The following ASAP1 variants were observed in gnomAD, a reference collection of about 807,000 sequenced individuals.
The protein encoded by ASAP1 is arf-GAP with SH3 domain, ANK repeat and PH domain-containing protein 1.
Under a neutral mutation model 145.2 loss-of-function variants are expected in ASAP1, and 43 were observed. That is an observed-to-expected ratio of 0.30 (90% confidence interval 0.23 to 0.38). The LOEUF (loss-of-function observed/expected upper bound fraction) is 0.38. Ranked by LOEUF, ASAP1 falls within the 10% of genes least tolerant of loss-of-function variation. ASAP1 has a pLI of 1.00. For missense variants in ASAP1, 1,018 were observed against 1,355.3 expected (o/e 0.75, Z 3.91); for synonymous variants, 546 against 515.5 (o/e 1.06, Z -0.80).
chr8:130,336,377 A>AGATT (rs1452877158), intron 3 of ASAP1, among the ~76,000 whole-genome samples: 1 of 152,238 alleles, frequency 6.6e-6, no homozygotes, highest in Non-Finnish European at 1.5e-5. Context: ...AAAGAAATGC[A>AGATT]GATTATTGGG....
At chr8:130,244,781 G>C (rs1230662689) in intron 3 of ASAP1, among the ~76,000 whole-genome samples, 1 of 152,126 alleles carries the variant, frequency 6.6e-6, no homozygotes, top group Admixed American at 6.6e-5. Flanking sequence ...CTGTGGGCCA[G>C]GTGCTGTCCT....
chr8:130,429,283 A>T (rs898309742), intron 1 of ASAP1, among the ~76,000 whole-genome samples: 2 of 152,202 alleles, frequency 1.3e-5, no homozygotes, highest in East Asian at 3.8e-4. Flanking sequence ...AAGGGACACA[A>T]TTCAACCTGT....
At chr8:130,123,318 C>G (rs142385544) in intron 18 of ASAP1, among the ~76,000 whole-genome samples, 1 of 152,104 alleles carries the variant, frequency 6.6e-6, no homozygotes, top group African/African-American at 2.4e-5. Context: ...TGTCAGTTTC[C>G]CCACAGTCTT....
At chr8:130,396,691 C>G (rs1828546202) in intron 2 of ASAP1, among the ~76,000 whole-genome samples, 1 of 152,226 alleles carries the variant, frequency 6.6e-6, no homozygotes, top group Admixed American at 6.5e-5. Flanking sequence ...GTTTCCCGTC[C>G]ATGTGCAGCA....
chr8:130,315,533 C>T (rs1326361784), intron 3 of ASAP1, among the ~76,000 whole-genome samples: 1 of 152,142 alleles, frequency 6.6e-6, no homozygotes, highest in Non-Finnish European at 1.5e-5. Flanking sequence ...GAAGAGGCTC[C>T]TCTTCCTTTC....
At chr8:130,109,284 C>T (rs2097542855) in intron 24 of ASAP1, among the ~76,000 whole-genome samples, 1 of 152,118 alleles carries the variant, frequency 6.6e-6, no homozygotes, top group Non-Finnish European at 1.5e-5. Context: ...TACTGAGCTC[C>T]TCTGAGACTC....
chr8:130,134,594 C>T (rs2097590068), intron 14 of ASAP1, among the ~76,000 whole-genome samples: 2 of 152,082 alleles, frequency 1.3e-5, no homozygotes, highest in African/African-American at 4.8e-5. Flanking sequence ...TACACAAGGT[C>T]ACACGGCAAT....
intron 5 of ASAP1, among the ~76,000 whole-genome samples, chr8:130,214,231 T>TA (rs533291104): frequency 3.0e-3 from 448 of 151,780 alleles, no homozygotes; most frequent in African/African-American, 0.01. Flanking sequence ...AGGTTATCTT[T>TA]AAAAAAAAAT....
At chr8:130,332,971 T>C (rs1053813692) in intron 3 of ASAP1, among the ~76,000 whole-genome samples, 7 of 152,172 alleles carry the variant, frequency 4.6e-5, no homozygotes, top group African/African-American at 1.7e-4. Context: ...GGAAATTCTA[T>C]TCACATTACA....
intron 5 of ASAP1, among the ~76,000 whole-genome samples, chr8:130,189,353 T>C (rs749638430): frequency 6.6e-5 from 10 of 152,200 alleles, no homozygotes; most frequent in Non-Finnish European, 1.5e-4. Flanking sequence ...ACCATCATTC[T>C]ATTCTCTATC....
intron 2 of ASAP1, among the ~76,000 whole-genome samples, chr8:130,360,161 A>T (rs1461794542): frequency 1.3e-5 from 2 of 152,276 alleles, no homozygotes; most frequent in Non-Finnish European, 1.5e-5. Context: ...ACAGAACTAG[A>T]CAACTCACAA....
At chr8:130,172,130 T>C (rs1813633201) in intron 9 of ASAP1, among the ~76,000 whole-genome samples, 1 of 152,176 alleles carries the variant, frequency 6.6e-6, no homozygotes, top group Admixed American at 6.5e-5. Flanking sequence ...ATAGGACATG[T>C]GAAACTACCC....
rs574819954 is a variant in ASAP1 at position 130,091,771 on chromosome 8, GT to G, written c.2572+201del. Among the ~76,000 whole-genome samples, 13 of 152,304 alleles carry G rather than the reference GT, an allele frequency of 8.5e-5. No homozygotes were observed. In the South Asian group the frequency reaches 1.7e-3, roughly 19 times the overall value. ...TTTAGGAAGTGCTCAGCACCTTTTAGTTTTTAATGGCCTAAATATTTTTCAA... is the reference window on the plus strand; with the variant it reads ...TTTAGGAAGTGCTCAGCACCTTTTAGTTTTAATGGCCTAAATATTTTTCAA... On this transcript the variant is annotated intron_variant, in intron 25 of 29. Coordinates refer to ENST00000518721, the MANE Select transcript of ASAP1 (RefSeq NM_018482.4).
At chr8:130,265,379 T>C (rs1362595325) in intron 3 of ASAP1, among the ~76,000 whole-genome samples, 2 of 149,940 alleles carry the variant, frequency 1.3e-5, no homozygotes, top group African/African-American at 4.9e-5. Context: ...GAGACCAGTC[T>C]GGGTAACATA....
chr8:130,278,515 A>G (rs1821059070), intron 3 of ASAP1, among the ~76,000 whole-genome samples: 1 of 152,248 alleles, frequency 6.6e-6, no homozygotes, highest in Non-Finnish European at 1.5e-5. Context: ...ACACATGAAG[A>G]CAATATATGC....
intron 2 of ASAP1, chr8:130,361,753 G>A (rs1348376213): frequency 3.3e-6 from 5 of 1,535,098 alleles, no homozygotes. Context: ...CAAATACTCT[G>A]AAAATCATTC....
At chr8:130,442,666 A>AGC (rs1830525407) in intron 1 of ASAP1, among the ~76,000 whole-genome samples, 1 of 152,126 alleles carries the variant, frequency 6.6e-6, no homozygotes, top group Non-Finnish European at 1.5e-5. Flanking sequence ...AGTTGAGGTC[A>AGC]AGTTAACGAT....
chr8:130,112,221 A>C lies in ASAP1; in HGVS notation c.2274T>G (p.Thr758=). The C allele has an allele frequency of 2.5e-6, 4 of 1,614,176 alleles. No individual in the cohort carries two copies. In the South Asian group the frequency reaches 4.4e-5, roughly 18 times the overall value. Residue 758 remains threonine (T), a synonymous_variant, in exon 24 of 30, where the codon ACT becomes ACG. Coordinates refer to ENST00000518721, the MANE Select transcript of ASAP1 (RefSeq NM_018482.4). The stretch of plus-strand genomic sequence containing the variant: ...AGGAGAGCCGCTGTTTGTCCCTTGG[A>C]GTGCTGAATCCTGGCAGTGCCAGCT... The part of the protein sequence containing the change: ...QDKLALPGFS[T]PRDKQRLSYG...
At chr8:130,064,942 A>C (rs1438857332) in intron 27 of ASAP1, among the ~76,000 whole-genome samples, 5 of 148,202 alleles carry the variant, frequency 3.4e-5, no homozygotes, top group African/African-American at 1.3e-4. Context: ...TGTAAGAATC[A>C]CAGCTCACTG....
Sources: gnomAD v4.1 joint callset for allele counts (sites outside exome capture counted in the v4.1 genomes callset) on GRCh38, gnomAD v4.1.1 for gene constraint, MANE v1.5 for transcripts, NCBI Gene and HGNC (gene_info 2026-07-23, HGNC 2026-07-21) for gene names.